MAGI1: variants seen among roughly 807,000 people sequenced by gnomAD.
MAGI1 encodes the protein membrane associated guanylate kinase, WW and PDZ domain containing 1, also known as membrane-associated guanylate kinase, WW and PDZ domain-containing protein 1.
Under a neutral mutation model 139.9 loss-of-function variants are expected in MAGI1, and 58 were observed. That is an observed-to-expected ratio of 0.41 (90% CI 0.34 to 0.52). MAGI1 has a LOEUF of 0.52. Among genes scored for constraint, MAGI1 ranks in the 20% least tolerant of loss-of-function variants. The probability of loss-of-function intolerance (pLI) is 0.12; values close to 1 mark genes in which losing one functional copy is unlikely to be tolerated. For missense variants in MAGI1, 1,874 were observed against 1,901.6 expected (o/e 0.99, Z 0.27); for synonymous variants, 812 against 737.9 (o/e 1.10, Z -1.63).
chr3:65,573,947 G>C (rs1472721243), intron 2 of MAGI1, among the ~76,000 whole-genome samples: 17 of 151,756 alleles, frequency 1.1e-4, no homozygotes. Context: ...CAACTACCAT[G>C]GGCAGTTGAG....
chr3:65,636,825 A>G (rs184802883), intron 1 of MAGI1, among the ~76,000 whole-genome samples: 18 of 152,354 alleles, frequency 1.2e-4, no homozygotes, highest in Non-Finnish European at 2.5e-4. Flanking sequence ...GGATCAGGTA[A>G]AAATCCTGGC....
intron 1 of MAGI1, among the ~76,000 whole-genome samples, chr3:65,795,542 T>C (rs956422656): frequency 2.0e-5 from 3 of 152,168 alleles, no homozygotes; most frequent in Non-Finnish European, 4.4e-5. Flanking sequence ...ATATTACCAT[T>C]GGAAGAAATT....
At chr3:65,926,326 T>TC (rs1219279570) in intron 1 of MAGI1, among the ~76,000 whole-genome samples, 8 of 137,084 alleles carry the variant, frequency 5.8e-5, no homozygotes, top group East Asian at 2.3e-4. Context: ...GAAGTCTTCT[T>TC]TTCTCTCTCT....
Position 65,379,531 on chromosome 3 carries a change from G to A in MAGI1, c.2725C>T (p.Pro909Ser), listed in dbSNP as rs1303066051. The A allele has an allele frequency of 3.3e-5, 53 of 1,610,508 alleles. No individual in the cohort carries two copies. Among genetic ancestry groups the A allele is most frequent in the Non-Finnish European group, 4.4e-5 (52 of 1,177,176 alleles). Reference sequence around the variant, plus strand: ...CTGTGATGAGAGGAGGCTGGCGAGGGCACCTCGTTCTCGGTTTTGGGCACT... The same window carrying A: ...CTGTGATGAGAGGAGGCTGGCGAGGACACCTCGTTCTCGGTTTTGGGCACT... ...FAVPKTENEVPSPASSHHSSN... is the reference protein window; with the variant it reads ...FAVPKTENEVSSPASSHHSSN... The change falls in exon 17 of 23, where the codon CCC (proline) becomes TCC (serine). Residue 909 changes from proline (P) to serine (S), a missense_variant. Pro to Ser is a moderately conservative substitution (Grantham distance 74). Coordinates refer to ENST00000402939, the MANE Select transcript of MAGI1 (RefSeq NM_001033057.2).
At chr3:65,983,753 G>A (rs958937258) in intron 1 of MAGI1, among the ~76,000 whole-genome samples, 24 of 152,128 alleles carry the variant, frequency 1.6e-4, no homozygotes, top group Middle Eastern at 3.4e-3. Flanking sequence ...AGTTGACAAT[G>A]GCCGCTTCCA....
At chr3:65,673,153 T>A (rs1315900499) in intron 1 of MAGI1, among the ~76,000 whole-genome samples, 1 of 152,106 alleles carries the variant, frequency 6.6e-6, no homozygotes, top group East Asian at 1.9e-4. Flanking sequence ...TGACTGAAGT[T>A]TTACATGAGG....
intron 1 of MAGI1, among the ~76,000 whole-genome samples, chr3:65,868,466 T>C (rs926740097): frequency 2.0e-5 from 3 of 152,168 alleles, no homozygotes; most frequent in East Asian, 1.9e-4. Context: ...GGGCCTGTCA[T>C]GAATTCACCA....
rs545342129 is a variant in MAGI1 at position 66,008,541 on chromosome 3, C to G, written c.313+29455G>C. 1.4e-4 allele frequency among the ~76,000 whole-genome samples: 22 copies of G among 152,276 alleles called. No homozygotes were observed. In the South Asian group the frequency reaches 4.6e-3, roughly 32 times the overall value. ...CAGACACAACCCATACAACCACAAA[C>G]GCACATAAAGATACAACTGAGTGGC... On this transcript the variant is annotated intron_variant, in intron 1 of 22. Coordinates refer to ENST00000402939, the MANE Select transcript of MAGI1 (RefSeq NM_001033057.2).
intron 1 of MAGI1, among the ~76,000 whole-genome samples, chr3:65,767,300 G>GA (rs1553703966): frequency 3.7e-4 from 55 of 147,562 alleles, no homozygotes; most frequent in Non-Finnish European, 7.5e-4. Flanking sequence ...CCACAGTTTA[G>GA]TTTTTTTTTT....
At chr3:65,933,541 A>G (rs1430912670) in intron 1 of MAGI1, among the ~76,000 whole-genome samples, 2 of 152,224 alleles carry the variant, frequency 1.3e-5, no homozygotes, top group African/African-American at 4.8e-5. Context: ...CTTGGGAACA[A>G]TACTGTGCCA....
intron 1 of MAGI1, among the ~76,000 whole-genome samples, chr3:65,889,736 C>T (rs1390785174): frequency 6.6e-6 from 1 of 152,064 alleles, no homozygotes; most frequent in African/African-American, 2.4e-5. Context: ...CTATTGAGAG[C>T]TACTATATTG....
At chr3:65,780,746 A>G (rs528353560) in intron 1 of MAGI1, among the ~76,000 whole-genome samples, 1 of 152,342 alleles carries the variant, frequency 6.6e-6, no homozygotes, top group African/African-American at 2.4e-5. Flanking sequence ...AAATTAAGGA[A>G]GGATGGCCAC....
intron 18 of MAGI1, among the ~76,000 whole-genome samples, chr3:65,370,868 G>T (rs187632707): frequency 6.6e-6 from 1 of 152,322 alleles, no homozygotes; most frequent in Admixed American, 6.5e-5. Context: ...TGTTGCCCAG[G>T]CTGGCCTGGA....
At chr3:65,565,585 G>A (rs935190431) in intron 2 of MAGI1, among the ~76,000 whole-genome samples, 4 of 152,092 alleles carry the variant, frequency 2.6e-5, no homozygotes, top group Non-Finnish European at 5.9e-5. Context: ...GGTCGGGCAC[G>A]GTGACTCATG....
intron 2 of MAGI1, among the ~76,000 whole-genome samples, chr3:65,553,838 A>C (rs2079966432): frequency 6.6e-6 from 1 of 152,212 alleles, no homozygotes; most frequent in South Asian, 2.1e-4. Flanking sequence ...CACTTGGGCT[A>C]ATTCTCAGTT....
intron 1 of MAGI1, among the ~76,000 whole-genome samples, chr3:65,914,744 A>T (rs1258538704): frequency 6.6e-6 from 1 of 152,232 alleles, no homozygotes; most frequent in Non-Finnish European, 1.5e-5. Context: ...TGTGCCAAAC[A>T]AATTTGCTTA....
chr3:65,900,820 C>A (rs1247478655), intron 1 of MAGI1, among the ~76,000 whole-genome samples: 1 of 152,178 alleles, frequency 6.6e-6, no homozygotes, highest in Non-Finnish European at 1.5e-5. Context: ...ATTGAGAATC[C>A]TTCTCCCTGG....
chr3:66,024,259 C>CT (rs1158524266), intron 1 of MAGI1, among the ~76,000 whole-genome samples: 5 of 148,058 alleles, frequency 3.4e-5, no homozygotes, highest in African/African-American at 5.0e-5. Context: ...TTGGTTCACC[C>CT]TTTTTTTAAA....
intron 1 of MAGI1, among the ~76,000 whole-genome samples, chr3:65,973,059 A>T (rs2065083280): frequency 6.6e-6 from 1 of 152,104 alleles, no homozygotes. Flanking sequence ...CTGAGATGGG[A>T]TGATCACTTG....
Sources: gnomAD v4.1 joint callset for allele counts (sites outside exome capture counted in the v4.1 genomes callset) on GRCh38, gnomAD v4.1.1 for gene constraint, MANE v1.5 for transcripts, NCBI Gene and HGNC (gene_info 2026-07-23, HGNC 2026-07-21) for gene names.